Variants in RBFOX1 observed in about 807,000 individuals in gnomAD.
RBFOX1 encodes RNA binding protein fox-1 homolog 1.
RBFOX1 carries 8 observed loss-of-function variants against 57.7 expected under a neutral mutation model. That is an observed-to-expected ratio of 0.14 (90% confidence interval 0.08 to 0.25). The LOEUF (loss-of-function observed/expected upper bound fraction) is 0.25. RBFOX1 is among the 10% of genes least tolerant of loss of function. The pLI, the probability that RBFOX1 is intolerant of heterozygous loss-of-function variation, is 1.00. For missense variants in RBFOX1, 611 were observed against 548.5 expected, an observed-to-expected ratio of 1.11 and a Z score of -1.14; for synonymous variants, 326 against 222.4, an observed-to-expected ratio of 1.47 and a Z score of -4.15.
intron 4 of RBFOX1, among the ~76,000 whole-genome samples, chr16:7,281,090 C>A (rs149108212): frequency 6.6e-6 from 1 of 151,364 alleles, no homozygotes; most frequent in Non-Finnish European, 1.5e-5. Context: ...GCAACCTCTG[C>A]CTCCTGGGTT....
intron 3 of RBFOX1, among the ~76,000 whole-genome samples, chr16:6,747,449 T>A (rs1199429084): frequency 3.5e-5 from 5 of 143,470 alleles, no homozygotes; most frequent in Admixed American, 1.3e-4. Flanking sequence ...TCAGTTAGTC[T>A]GTCTGTCTGT....
intron 4 of RBFOX1, among the ~76,000 whole-genome samples, chr16:5,888,042 G>A (rs1166392647): frequency 1.3e-5 from 2 of 152,182 alleles, no homozygotes; most frequent in Non-Finnish European, 2.9e-5. Context: ...CTGCAAGACA[G>A]CCTTCCTGCA....
chr16:6,129,300 G>A (rs60610784), intron 1 of RBFOX1, among the ~76,000 whole-genome samples: 5,489 of 151,836 alleles, frequency 0.036, 252 homozygotes, highest in East Asian at 0.22. Flanking sequence ...GAATAAACAA[G>A]GGATCCCAGG....
intron 2 of RBFOX1, among the ~76,000 whole-genome samples, chr16:6,377,201 G>A (rs191568535): frequency 1.4e-4 from 21 of 149,058 alleles, no homozygotes; most frequent in Non-Finnish European, 1.0e-4. Flanking sequence ...TTAAGCCCAG[G>A]AAGTGGAGGT....
intron 1 of RBFOX1, among the ~76,000 whole-genome samples, chr16:5,241,981 G>A (rs1325284648): frequency 2.0e-5 from 3 of 152,020 alleles, no homozygotes; most frequent in Non-Finnish European, 4.4e-5. Context: ...CAGGTATGGT[G>A]GTGTGTGCCT....
At chr16:7,620,253 C>T (rs1458650373) in intron 10 of RBFOX1, among the ~76,000 whole-genome samples, 1 of 152,194 alleles carries the variant, frequency 6.6e-6, no homozygotes, top group Non-Finnish European at 1.5e-5. Context: ...GTAATCCTCA[C>T]AGCAATATTC....
At chr16:6,693,347 G>A (rs1009540576) in intron 3 of RBFOX1, among the ~76,000 whole-genome samples, 12 of 132,310 alleles carry the variant, frequency 9.1e-5, no homozygotes, top group Admixed American at 3.1e-4. Context: ...GTCTCCACTA[G>A]CATCACCGCC....
intron 3 of RBFOX1, among the ~76,000 whole-genome samples, chr16:6,889,538 C>T (rs1013345059): frequency 6.6e-6 from 1 of 152,154 alleles, no homozygotes; most frequent in Admixed American, 6.5e-5. Context: ...CAGTGTTACT[C>T]ACCCTGTCTT....
At chr16:6,650,808 G>A (rs563687015) in intron 2 of RBFOX1, among the ~76,000 whole-genome samples, 34 of 152,142 alleles carry the variant, frequency 2.2e-4, no homozygotes, top group African/African-American at 8.0e-4. Flanking sequence ...TGATGCATCC[G>A]CAGAGAAAAC....
intron 4 of RBFOX1, among the ~76,000 whole-genome samples, chr16:7,107,962 A>C (rs1314409984): frequency 1.3e-5 from 2 of 150,452 alleles, no homozygotes; most frequent in Non-Finnish European, 3.0e-5. Flanking sequence ...CTCCATTATT[A>C]TTTTGAAAAA....
intron 2 of RBFOX1, among the ~76,000 whole-genome samples, chr16:6,623,484 T>A (rs1601826002): frequency 6.6e-6 from 1 of 151,998 alleles, no homozygotes; most frequent in East Asian, 1.9e-4. Flanking sequence ...AGGGTACATG[T>A]GCACAATGTG....
chr16:7,054,546 G>A (rs1038725244), intron 4 of RBFOX1, among the ~76,000 whole-genome samples: 1 of 45,922 alleles, frequency 2.2e-5, no homozygotes, highest in African/African-American at 4.4e-5. Context: ...AAACCTGGGT[G>A]GGGGGGCATT....
intron 4 of RBFOX1, among the ~76,000 whole-genome samples, chr16:7,074,739 G>A (rs1268817389): frequency 1.3e-5 from 2 of 152,132 alleles, no homozygotes; most frequent in Admixed American, 1.3e-4. Context: ...AAAACAAGCA[G>A]TATAAGCATA....
At chr16:7,041,343 G>T (rs182229986) in intron 3 of RBFOX1, among the ~76,000 whole-genome samples, 2 of 152,218 alleles carry the variant, frequency 1.3e-5, no homozygotes, top group African/African-American at 4.8e-5. Flanking sequence ...AAAGACAAGA[G>T]AGTCTGTGGC....
chr16:6,996,222 G>A (rs1318686228), intron 3 of RBFOX1, among the ~76,000 whole-genome samples: 2 of 152,174 alleles, frequency 1.3e-5, no homozygotes, highest in East Asian at 3.8e-4. Context: ...TTGAATACAG[G>A]AAGGCTTAGT....
chr16:6,129,772 T>A (rs1228392051), intron 1 of RBFOX1, among the ~76,000 whole-genome samples: 3 of 148,440 alleles, frequency 2.0e-5, no homozygotes, highest in Admixed American at 1.3e-4. Context: ...TAGATAATAT[T>A]GAAAACAGCC....
intron 3 of RBFOX1, among the ~76,000 whole-genome samples, chr16:6,678,797 A>C (rs993809692): frequency 1.3e-5 from 2 of 152,104 alleles, no homozygotes; most frequent in Non-Finnish European, 1.5e-5. Flanking sequence ...ACTTGCCATG[A>C]ATAGCTGATA....
At chr16:6,634,321 A>C (rs1287668884) in intron 2 of RBFOX1, among the ~76,000 whole-genome samples, 1 of 152,062 alleles carries the variant, frequency 6.6e-6, no homozygotes, top group Admixed American at 6.6e-5. Flanking sequence ...TTCTGAGTCA[A>C]ACCAATAAGG....
intron 3 of RBFOX1, among the ~76,000 whole-genome samples, chr16:5,675,635 C>T (rs1019980859): frequency 4.6e-5 from 7 of 152,138 alleles, no homozygotes; most frequent in African/African-American, 1.4e-4. Context: ...ATGGCTTCCG[C>T]GTGTCATCGT....
Sources: gnomAD v4.1 joint callset for allele counts (sites outside exome capture counted in the v4.1 genomes callset) on GRCh38, gnomAD v4.1.1 for gene constraint, MANE v1.5 for transcripts, NCBI Gene and HGNC (gene_info 2026-07-23, HGNC 2026-07-21) for gene names.